The following ATXN7L1 variants were observed in gnomAD, a reference collection of about 807,000 sequenced individuals.
ATXN7L1 encodes ataxin-7-like protein 1.
A neutral mutation model predicts 70.8 loss-of-function variants in ATXN7L1; 15 were observed. That is an observed-to-expected ratio of 0.21 (90% CI 0.14 to 0.33). The LOEUF (loss-of-function observed/expected upper bound fraction) is 0.33, where lower values mean the gene tolerates loss of function less well. Ranked by LOEUF, ATXN7L1 falls within the 10% of genes least tolerant of loss-of-function variation. ATXN7L1 has a pLI of 1.00. For missense variants in ATXN7L1, 975 were observed against 1,097.1 expected (o/e 0.89, Z 1.57); for synonymous variants, 440 against 445.1 (o/e 0.99, Z 0.14).
intron 2 of ATXN7L1, chr7:105,819,648 A>T: frequency 1.1e-6 from 1 of 912,012 alleles, no homozygotes; most frequent in Non-Finnish European, 1.8e-6. Flanking sequence ...ATACAAGTTG[A>T]AGTACCTGGT....
At position 105,614,587 on chromosome 7, in the gene ATXN7L1, C is replaced by A. The variant is rs1430917627; in HGVS notation, c.1747G>T (p.Ala583Ser). ...AGGGTTGCGGCCACATGAGGGAAAG[C>A]TGTGGTGTGGGACATGAGGGCGCTC... ...DPSALMSHTTAFPHVAATLSI... is the reference protein window; with the variant it reads ...DPSALMSHTTSFPHVAATLSI... The change falls in exon 10 of 12, where the codon GCT (alanine) becomes TCT (serine). Residue 583 changes from alanine to serine, a missense_variant. Ala to Ser is a moderately conservative substitution (Grantham distance 99). Coordinates refer to ENST00000419735, the MANE Select transcript of ATXN7L1 (RefSeq NM_020725.2). The surrounding 1 kb of genome is among the most constrained non-coding windows in gnomAD (Gnocchi z 4.3). 2 of 1,551,442 alleles carry A rather than the reference C, an allele frequency of 1.3e-6. No homozygotes were observed. Among genetic ancestry groups the A allele is most frequent in the Non-Finnish European group, 1.7e-6 (2 of 1,146,762 alleles).
intron 3 of ATXN7L1, among the ~76,000 whole-genome samples, chr7:105,696,239 G>A (rs1791685999): frequency 6.6e-6 from 1 of 152,190 alleles, no homozygotes; most frequent in African/African-American, 2.4e-5. Flanking sequence ...CTGCAGCTTG[G>A]CGGGAGGTAT....
At chr7:105,749,686 C>A (rs770784580) in intron 3 of ATXN7L1, among the ~76,000 whole-genome samples, 6 of 151,552 alleles carry the variant, frequency 4.0e-5, no homozygotes, top group Non-Finnish European at 7.4e-5. Flanking sequence ...TCTTTCATAT[C>A]CTTGGATATT....
At chr7:105,704,184 CT>C (rs1792835143) in intron 3 of ATXN7L1, among the ~76,000 whole-genome samples, 1 of 152,180 alleles carries the variant, frequency 6.6e-6, no homozygotes, top group Non-Finnish European at 1.5e-5. Flanking sequence ...GAAGGGATCC[CT>C]TAGTACATTT....
chr7:105,845,456 A>C (rs1813874900), intron 2 of ATXN7L1, among the ~76,000 whole-genome samples: 1 of 134,718 alleles, frequency 7.4e-6, no homozygotes, highest in African/African-American at 2.7e-5. Context: ...TGTTGCTAAG[A>C]TGGTTTGCAT....
At position 105,876,518 on chromosome 7, in the gene ATXN7L1, G is replaced by C; in HGVS notation, c.41C>G (p.Ala14Gly). The change falls in exon 1 of 12, where the codon GCT (alanine) becomes GGT (glycine). Residue 14 changes from alanine (A) to glycine (G), a missense_variant. By Grantham distance (60) the Ala-to-Gly change is moderately conservative (BLOSUM62 0). This residue lies in a region of ATXN7L1 where 135 missense variants were observed against 132.6 expected (regional missense o/e 1.02). Transcript: ENST00000419735. ...ERSRIPCLSA[A>G]AAEGTGKKQQ... ...CTTTTTCCCTGTTCCTTCGGCAGCA[G>C]CAGCCGAGAGACACGGGATTCGAGA... 1.9e-6 allele frequency: 3 copies of C among 1,610,376 alleles called. No individual in the cohort carries two copies. Among genetic ancestry groups the C allele is most frequent in the Non-Finnish European group, 2.5e-6 (3 of 1,178,194 alleles).
intron 9 of ATXN7L1, among the ~76,000 whole-genome samples, chr7:105,615,468 T>G (rs1793748157): frequency 6.6e-6 from 1 of 152,198 alleles, no homozygotes; most frequent in Non-Finnish European, 1.5e-5. Context: ...GACTCGCGGC[T>G]GCTGGCTCCT....
intron 7 of ATXN7L1, among the ~76,000 whole-genome samples, chr7:105,632,302 T>C (rs938792180): frequency 6.6e-6 from 1 of 152,194 alleles, no homozygotes; most frequent in African/African-American, 2.4e-5. Flanking sequence ...TGAAAAACGA[T>C]AGTATCTTGT....
intron 3 of ATXN7L1, chr7:105,679,240 T>A: frequency 1.3e-6 from 1 of 774,524 alleles, no homozygotes; most frequent in Non-Finnish European, 1.6e-6. Context: ...CCCGGAACAG[T>A]CAGGGTTGTA....
chr7:105,733,841 C>CCCATCCAT (rs74665862), intron 3 of ATXN7L1, among the ~76,000 whole-genome samples: 844 of 52,958 alleles, frequency 0.016, 69 homozygotes, highest in Non-Finnish European at 0.022. Flanking sequence ...CATCCGTCCA[C>CCCATCCAT]CCATCCATCC....
At position 105,617,226 on chromosome 7, in the gene ATXN7L1, G is replaced by A. The variant is rs1433469639; in HGVS notation, c.1518-2410C>T. 5.3e-5 allele frequency among the ~76,000 whole-genome samples: 8 copies of A among 152,140 alleles called. No individual in the cohort carries two copies. The East Asian group carries it at 1.2e-3, about 22-fold the overall frequency. The stretch of plus-strand genomic sequence containing the variant: ...TTTTTAGTAGAGACGGGGTTTCACC[G>A]TGTTAGCCAGGATGGTCTCGATCTC... On this transcript the variant is annotated intron_variant, in intron 9 of 11. Coordinates refer to ENST00000419735, the MANE Select transcript of ATXN7L1 (RefSeq NM_020725.2).
intron 2 of ATXN7L1, among the ~76,000 whole-genome samples, chr7:105,851,625 C>A (rs1233391241): frequency 1.3e-5 from 2 of 152,214 alleles, no homozygotes; most frequent in Non-Finnish European, 2.9e-5. Flanking sequence ...TCACGTGTTT[C>A]CATCCCCCTC....
intron 10 of ATXN7L1, chr7:105,613,565 C>T: frequency 2.3e-6 from 3 of 1,313,028 alleles, no homozygotes; most frequent in Non-Finnish European, 2.0e-6. Flanking sequence ...TCTCTCTGTG[C>T]CTCAGTTTAC....
chr7:105,744,823 C>T (rs925409051), intron 3 of ATXN7L1, among the ~76,000 whole-genome samples: 18 of 151,100 alleles, frequency 1.2e-4, no homozygotes, highest in East Asian at 1.9e-4. Flanking sequence ...CTGCAACCTC[C>T]GCCTCCTGGG....
At chr7:105,647,206 T>C (rs1024676552) in intron 4 of ATXN7L1, among the ~76,000 whole-genome samples, 1 of 152,238 alleles carries the variant, frequency 6.6e-6, no homozygotes, top group African/African-American at 2.4e-5. Context: ...GATCTAGTTC[T>C]TGTTGCATGA....
Position 105,614,056 on chromosome 7 carries a change from C to G in ATXN7L1, c.2278G>C (p.Ala760Pro). The G allele has an allele frequency of 1.9e-6, 3 of 1,551,822 alleles. No individual in the cohort carries two copies. Among genetic ancestry groups the G allele is most frequent in the Non-Finnish European group, 1.7e-6 (2 of 1,147,018 alleles). ...AGAGAAGACACAGCATTGTGTGAGG[C>G]CAGAGAGAGGTCCCCTGCGTGGAGC... The part of the protein sequence containing the change: ...LALHAGDLSL[A>P]SHNAVSSLPL... Residue 760 changes from alanine to proline, a missense_variant, in exon 10 of 12, where the codon GCC becomes CCC. Ala to Pro is a conservative substitution (Grantham distance 27, BLOSUM62 -1). Transcript: ENST00000419735. This position sits in a 1 kb window ranked among gnomAD's most constrained non-coding sequence, Gnocchi z 4.3.
intron 3 of ATXN7L1, among the ~76,000 whole-genome samples, chr7:105,756,415 T>C (rs521543): frequency 0.17 from 25,111 of 152,164 alleles, 2,520 homozygotes; most frequent in African/African-American, 0.27. Context: ...ATATTTCCAA[T>C]TGGAAGCGAC....
intron 3 of ATXN7L1, among the ~76,000 whole-genome samples, chr7:105,721,474 G>A (rs183524417): frequency 1.3e-5 from 2 of 152,180 alleles, no homozygotes; most frequent in South Asian, 2.1e-4. Context: ...AATGCTCTGC[G>A]CAGGCCAGCT....
At chr7:105,646,299 C>T (rs984487655) in intron 4 of ATXN7L1, among the ~76,000 whole-genome samples, 12 of 152,060 alleles carry the variant, frequency 7.9e-5, no homozygotes, top group Non-Finnish European at 1.8e-4. Context: ...TGTCTCAACT[C>T]CCCCCTGACC....
Sources: allele counts gnomAD v4.1 joint callset (sites outside exome capture counted in the v4.1 genomes callset), GRCh38; gene constraint gnomAD v4.1.1; regional missense constraint gnomAD v4.1.1; non-coding constraint Gnocchi (gnomAD v3.1); transcripts MANE v1.5; gene names NCBI Gene and HGNC (gene_info 2026-07-23, HGNC 2026-07-21).